OR7E24: variants seen among roughly 807,000 people sequenced by gnomAD.
The protein encoded by OR7E24 is olfactory receptor family 7 subfamily E member 24.
For missense variants in OR7E24, 385 were observed against 410.3 expected, an observed-to-expected ratio of 0.94 and a Z score of 0.53; for synonymous variants, 130 against 157.5, an observed-to-expected ratio of 0.83 and a Z score of 1.31.
At chr19:9,216,545 T>C in the OR7E24 span, among the ~76,000 whole-genome samples, 322 of 152,346 alleles carry the variant, frequency 2.1e-3, 1 homozygote, top group African/African-American at 7.5e-3. Context: ...TTGTCTACTA[T>C]GATTTCTGTG....
At chr19:9,215,361 A>AAAAAC in the OR7E24 span, among the ~76,000 whole-genome samples, 12 of 147,536 alleles carry the variant, frequency 8.1e-5, 1 homozygote, top group South Asian at 4.2e-4. Context: ...AAAAAAAAAA[A>AAAAAC]AAAACCTCTT....
the OR7E24 span, among the ~76,000 whole-genome samples, chr19:9,236,530 T>A: frequency 5.9e-5 from 9 of 151,572 alleles, no homozygotes; most frequent in Non-Finnish European, 1.0e-4. Flanking sequence ...AAAAAAAGGT[T>A]TTTGTATTAG....
Position 9,251,495 on chromosome 19 carries a change from G to A in OR7E24, c.452G>A (p.Arg151Gln), listed in dbSNP as rs747374265. The A allele has an allele frequency of 5.1e-5, 83 of 1,613,886 alleles. No homozygotes were observed. The highest frequency in any genetic ancestry group is 8.3e-5 in the Admixed American group (5 of 59,980). The change falls in exon 1 of 1, where the codon CGA becomes CAA. Residue 151 changes from arginine to glutamine, a missense_variant. Transcript: ENST00000456448. ...GCCATCTGTCACCCCCTGCACTACC[G>A]AATCATCATGAACCCACGCCTCTGT... ...FVAICHPLHY[R>Q]IIMNPRLCGF...
the OR7E24 span, among the ~76,000 whole-genome samples, chr19:9,233,905 T>TCC: frequency 1.7e-5 from 1 of 59,960 alleles, no homozygotes; most frequent in Non-Finnish European, 4.5e-5. Flanking sequence ...TTACATGTCT[T>TCC]TCTTTTTTTT....
the OR7E24 span, among the ~76,000 whole-genome samples, chr19:9,229,895 G>GAA: frequency 3.9e-5 from 6 of 152,288 alleles, no homozygotes; most frequent in Middle Eastern, 3.4e-3. Context: ...ACACCATGGA[G>GAA]AAGAGAAAGC....
Position 9,251,663 on chromosome 19 carries a change from G to A in OR7E24, c.620G>A (p.Cys207Tyr). The A allele has an allele frequency of 6.2e-7, 1 of 1,613,810 alleles. No individual in the cohort carries two copies. The highest frequency in any genetic ancestry group is 8.5e-7 in the Non-Finnish European group (1 of 1,179,874). Residue 207 changes from cysteine (C) to tyrosine (Y), a missense_variant, in exon 1 of 1, where the codon TGT (cysteine) becomes TAT (tyrosine). Physicochemically the swap from Cys to Tyr is radical, Grantham distance 194. Coordinates refer to ENST00000456448, the MANE Select transcript of OR7E24 (RefSeq NM_001079935.2). Reference protein sequence around the residue: ...CDPSQLLHLRCSDTFINEMVI... With the variant: ...CDPSQLLHLRYSDTFINEMVI... ...CCTTCTCAACTCCTCCACCTTAGGT[G>A]TTCCGACACCTTCATCAATGAAATG...
chr19:9,214,033 G>T, the OR7E24 span: 2 of 1,614,048 alleles, frequency 1.2e-6, no homozygotes, highest in South Asian at 2.2e-5. Flanking sequence ...GAGCTGCTCT[G>T]GGAAGAATGG....
the OR7E24 span, among the ~76,000 whole-genome samples, chr19:9,221,117 A>T: frequency 1.3e-5 from 2 of 151,442 alleles, no homozygotes; most frequent in African/African-American, 4.8e-5. Flanking sequence ...CTAAAAATAC[A>T]AAAAATTAGC....
At chr19:9,242,121 G>T in the OR7E24 span, among the ~76,000 whole-genome samples, 2 of 152,132 alleles carry the variant, frequency 1.3e-5, no homozygotes, top group African/African-American at 4.8e-5. Context: ...TTGTGTTCTT[G>T]TTTCCTCTGG....
chr19:9,208,039 ATT>A, the OR7E24 span: 7,059 of 140,954 alleles, frequency 0.05, 552 homozygotes, highest in African/African-American at 0.17. Context: ...ATTAGTTTCT[ATT>A]TTTTTTTTTT....
the OR7E24 span, among the ~76,000 whole-genome samples, chr19:9,220,896 T>C: frequency 2.0e-5 from 3 of 152,214 alleles, no homozygotes; most frequent in Non-Finnish European, 4.4e-5. Flanking sequence ...TTTTTAGTAA[T>C]AGCCATTTGA....
At chr19:9,250,822 C>CTA (rs2066143208), upstream of OR7E24, 2 of 399,100 alleles carry the variant, frequency 5.0e-6, no homozygotes, top group East Asian at 8.3e-5. Flanking sequence ...TCTAAAATCT[C>CTA]TAATGTTTTT....
At chr19:9,221,270 C>G in the OR7E24 span, among the ~76,000 whole-genome samples, 1 of 124,460 alleles carries the variant, frequency 8.0e-6, no homozygotes, top group Admixed American at 8.4e-5. Context: ...AGACTCGTCT[C>G]AAGAAAAAAA....
At chr19:9,239,583 G>A in the OR7E24 span, among the ~76,000 whole-genome samples, 1 of 151,840 alleles carries the variant, frequency 6.6e-6, no homozygotes, top group South Asian at 2.1e-4. Flanking sequence ...TCATATACCT[G>A]TTAATTTGCA....
At chr19:9,239,643 C>G in the OR7E24 span, among the ~76,000 whole-genome samples, 1 of 151,770 alleles carries the variant, frequency 6.6e-6, no homozygotes, top group African/African-American at 2.4e-5. Context: ...ATTTTCCAAT[C>G]AGGTTGTTTT....
the OR7E24 span, among the ~76,000 whole-genome samples, chr19:9,237,121 C>A: frequency 1.1e-3 from 166 of 152,196 alleles, 1 homozygote; most frequent in African/African-American, 3.9e-3. Flanking sequence ...CAGGCTGGTT[C>A]ATTCATAAAA....
the OR7E24 span, among the ~76,000 whole-genome samples, chr19:9,224,280 G>A: frequency 1.0e-3 from 158 of 152,276 alleles, 1 homozygote; most frequent in East Asian, 0.028. Flanking sequence ...AGGGCCCATA[G>A]AATCAGGTTA....
the OR7E24 span, among the ~76,000 whole-genome samples, chr19:9,229,964 G>C: frequency 6.6e-6 from 1 of 152,108 alleles, no homozygotes; most frequent in African/African-American, 2.4e-5. Flanking sequence ...AGAGGAGAGA[G>C]AGTGGGTACT....
chr19:9,236,976 C>G, the OR7E24 span, among the ~76,000 whole-genome samples: 282 of 151,066 alleles, frequency 1.9e-3, 1 homozygote, highest in African/African-American at 6.6e-3. Flanking sequence ...CACTCTATTT[C>G]TCAGAGGAAG....
Sources: gnomAD v4.1 joint callset for allele counts (sites outside exome capture counted in the v4.1 genomes callset) on GRCh38, gnomAD v4.1.1 for gene constraint, MANE v1.5 for transcripts, NCBI Gene and HGNC (gene_info 2026-07-23, HGNC 2026-07-21) for gene names.